Variants in PKNOX2 observed in about 807,000 individuals in gnomAD.
The protein encoded by PKNOX2 is PBX/knotted 1 homeobox 2.
Under a neutral mutation model 53.1 loss-of-function variants are expected in PKNOX2, and 14 were observed. The observed-to-expected ratio is 0.26, with a 90% CI of 0.17 to 0.41. The LOEUF is 0.41. Ranked by LOEUF, PKNOX2 falls within the 10% of genes least tolerant of loss-of-function variation. The pLI is 1.00. For missense variants in PKNOX2, 496 were observed against 602.8 expected (o/e 0.82, Z 1.85); for synonymous variants, 257 against 242.8 (o/e 1.06, Z -0.54).
chr11:125,430,993 A>C, intron 12 of PKNOX2, among the ~76,000 whole-genome samples, 173 bp from the exon 13 acceptor site: 1 of 152,230 alleles, frequency 6.6e-6, no homozygotes, highest in East Asian at 1.9e-4. Flanking sequence ...GTAGCTGACT[A>C]GTGAATGGAT....
chr11:125,381,681 C>T (rs533649534), intron 5 of PKNOX2, among the ~76,000 whole-genome samples: 5 of 152,138 alleles, frequency 3.3e-5, no homozygotes, highest in South Asian at 2.1e-4. Flanking sequence ...AGCTCTGTCA[C>T]GAGGCACCTC....
At chr11:125,402,154 G>A (rs1174598096) in intron 7 of PKNOX2, among the ~76,000 whole-genome samples, 1 of 152,110 alleles carries the variant, frequency 6.6e-6, no homozygotes, top group East Asian at 1.9e-4. Flanking sequence ...GAGATGGGAA[G>A]TAAGGGAGAC....
At chr11:125,426,710 C>T (rs867431877) in intron 10 of PKNOX2, among the ~76,000 whole-genome samples, 1 of 152,242 alleles carries the variant, frequency 6.6e-6, no homozygotes, top group South Asian at 2.1e-4. Flanking sequence ...CAACGTTGGC[C>T]TCTTTGCCTG....
chr11:125,172,513 G>A (rs535516300), intron 1 of PKNOX2, among the ~76,000 whole-genome samples: 1 of 152,292 alleles, frequency 6.6e-6, no homozygotes, highest in Admixed American at 6.5e-5. Context: ...TGGAGAGAAA[G>A]GGGGGACTGG....
intron 1 of PKNOX2, among the ~76,000 whole-genome samples, chr11:125,222,632 TGTATGTGTGTGC>T (rs71042482): frequency 1.4e-4 from 20 of 142,844 alleles, no homozygotes; most frequent in South Asian, 2.2e-4. Flanking sequence ...TATGTGTGTG[TGTATGTGTGTGC>T]GTATGTGTGT....
chr11:125,307,802 G>A lies in PKNOX2; in HGVS notation c.-129-24017G>A, dbSNP rs543183595. 1.1e-4 allele frequency among the ~76,000 whole-genome samples: 16 copies of A among 152,330 alleles called. No homozygotes were observed. The South Asian group carries it at 3.3e-3, about 32-fold the overall frequency. ...TGCTAATATGCAAAGCTAATCATAT[G>A]TATGCAAAGAAACCCTTTCTACCCT... On this transcript the variant is annotated intron_variant, in intron 2 of 12. Transcript: ENST00000298282.
chr11:125,351,455 C>T, intron 4 of PKNOX2, 63 bp downstream of exon 4: 1 of 1,082,584 alleles, frequency 9.2e-7, no homozygotes, highest in Non-Finnish European at 1.4e-6. Flanking sequence ...CTTAGAGCCC[C>T]AGCTGCAGGC....
intron 2 of PKNOX2, among the ~76,000 whole-genome samples, chr11:125,255,551 C>A (rs1366101486): frequency 6.6e-6 from 1 of 152,182 alleles, no homozygotes; most frequent in Admixed American, 6.5e-5. Context: ...CTGAATGGCA[C>A]CAACAAGGCC....
intron 6 of PKNOX2, among the ~76,000 whole-genome samples, chr11:125,396,797 A>T (rs1396605646): frequency 6.6e-6 from 1 of 152,224 alleles, no homozygotes; most frequent in Non-Finnish European, 1.5e-5. Flanking sequence ...TTCGTGCTGA[A>T]GATAACATGG....
intron 2 of PKNOX2, among the ~76,000 whole-genome samples, chr11:125,243,727 G>A (rs975486483): frequency 5.9e-5 from 9 of 151,492 alleles, no homozygotes; most frequent in Non-Finnish European, 1.2e-4. Flanking sequence ...GGTTCATGCC[G>A]TTCTCCTGCC....
chr11:125,370,752 T>C lies in PKNOX2; in HGVS notation c.227+2767T>C, dbSNP rs1952483030. 6.6e-6 allele frequency among the ~76,000 whole-genome samples: 1 copy of C among 152,196 alleles called. No individual in the cohort carries two copies. The highest frequency in any genetic ancestry group is 2.1e-4 in the South Asian group (1 of 4,830). On this transcript the variant is annotated intron_variant, in intron 5 of 12. Coordinates refer to ENST00000298282, the MANE Select transcript of PKNOX2 (RefSeq NM_001382323.2). This position sits in a 1 kb window ranked among gnomAD's most constrained non-coding sequence, Gnocchi z 4.1. Reference sequence around the variant, plus strand: ...GCCCCGGGATGACCAGGGAGGGAGCTCAGCCTCCTGTAGGGTCGGGTAATT... The same window carrying C: ...GCCCCGGGATGACCAGGGAGGGAGCCCAGCCTCCTGTAGGGTCGGGTAATT...
At chr11:125,222,540 A>G (rs1217221002) in intron 1 of PKNOX2, among the ~76,000 whole-genome samples, 2 of 152,102 alleles carry the variant, frequency 1.3e-5, no homozygotes, top group Non-Finnish European at 2.9e-5. Context: ...TCTAACATCT[A>G]TACAATGTGC....
chr11:125,320,517 A>G (rs1198209226), intron 2 of PKNOX2, among the ~76,000 whole-genome samples: 1 of 152,084 alleles, frequency 6.6e-6, no homozygotes, highest in African/African-American at 2.4e-5. Flanking sequence ...CCAGGTACTG[A>G]AATGCCCTGT....
chr11:125,200,123 A>G (rs750805267), intron 1 of PKNOX2, among the ~76,000 whole-genome samples: 2 of 152,210 alleles, frequency 1.3e-5, no homozygotes, highest in Non-Finnish European at 2.9e-5. Flanking sequence ...GTACAATGTC[A>G]GAGCCTGGCT....
chr11:125,354,690 A>AT (rs1383278907), intron 4 of PKNOX2, among the ~76,000 whole-genome samples: 1 of 152,058 alleles, frequency 6.6e-6, no homozygotes, highest in African/African-American at 2.4e-5. Flanking sequence ...ATAAATTAGA[A>AT]TTTTTTTTCA....
chr11:125,327,374 G>T (rs1411087137), intron 2 of PKNOX2, among the ~76,000 whole-genome samples: 1 of 152,236 alleles, frequency 6.6e-6, no homozygotes. Context: ...TTTATCTTCA[G>T]TGTGAAGCTC....
chr11:125,396,345 T>C (rs1954399768), intron 6 of PKNOX2, among the ~76,000 whole-genome samples: 1 of 152,128 alleles, frequency 6.6e-6, no homozygotes, highest in Non-Finnish European at 1.5e-5. Flanking sequence ...AGGTTTATAG[T>C]TTTCTGTCTT....
chr11:125,292,929 G>A (rs970435640), intron 2 of PKNOX2, among the ~76,000 whole-genome samples: 10 of 152,202 alleles, frequency 6.6e-5, no homozygotes, highest in African/African-American at 2.4e-4. Flanking sequence ...GAGACGATGC[G>A]TGTTATTTGG....
chr11:125,343,386 CT>C (rs71462895), intron 3 of PKNOX2, among the ~76,000 whole-genome samples: 182 of 149,728 alleles, frequency 1.2e-3, no homozygotes, highest in Non-Finnish European at 2.2e-3. Context: ...AGCCAGCATG[CT>C]TTTTTTTTTC....
Sources: gnomAD v4.1 joint callset for allele counts (sites outside exome capture counted in the v4.1 genomes callset) on GRCh38, gnomAD v4.1.1 for gene constraint, Gnocchi (gnomAD v3.1) non-coding constraint, MANE v1.5 for transcripts, NCBI Gene and HGNC (gene_info 2026-07-23, HGNC 2026-07-21) for gene names.